LPA: variants seen among roughly 807,000 people sequenced by gnomAD.
LPA encodes the protein lipoprotein(a).
LPA carries 199 observed loss-of-function variants against 197.9 expected under a neutral mutation model. The observed-to-expected ratio is 1.01, with a 90% confidence interval of 0.90 to 1.13. The LOEUF (loss-of-function observed/expected upper bound fraction) is 1.13, where lower values mean the gene tolerates loss of function less well. Ranked by LOEUF, LPA falls within the 50% of genes most tolerant of loss-of-function variation. The probability of loss-of-function intolerance (pLI) is 0.00; values close to 1 mark genes in which losing one functional copy is unlikely to be tolerated. For synonymous variants in LPA, 715 were observed against 639.5 expected (o/e 1.12, Z -1.78); for missense variants, 1,853 against 1,785.8 (o/e 1.04, Z -0.68).
At chr6:160,553,489 C>T (rs1434231668) in intron 30 of LPA, among the ~76,000 whole-genome samples, 5 of 151,988 alleles carry the variant, frequency 3.3e-5, no homozygotes, top group South Asian at 2.1e-4. Flanking sequence ...CTGGACATGT[C>T]GTCCTAGGTT....
At chr6:160,534,325 A>G (rs1271077632) in intron 37 of LPA, among the ~76,000 whole-genome samples, 2 of 152,248 alleles carry the variant, frequency 1.3e-5, no homozygotes, top group African/African-American at 4.8e-5. Context: ...GATAAGAGGG[A>G]AAACCCACCA....
intron 19 of LPA, among the ~76,000 whole-genome samples, chr6:160,600,080 A>C (rs1779209544): frequency 6.6e-6 from 1 of 152,146 alleles, no homozygotes; most frequent in Non-Finnish European, 1.5e-5. Context: ...GACATATAAA[A>C]ACCTTGCATG....
At chr6:160,565,266 A>G (rs889667657) in intron 28 of LPA, among the ~76,000 whole-genome samples, 2 of 151,906 alleles carry the variant, frequency 1.3e-5, no homozygotes, top group Non-Finnish European at 2.9e-5. Context: ...ACTGGGGGAC[A>G]CCTCCCAGTA....
intron 28 of LPA, among the ~76,000 whole-genome samples, chr6:160,566,980 C>G (rs1439422618): frequency 6.6e-6 from 1 of 152,154 alleles, no homozygotes; most frequent in African/African-American, 2.4e-5. Context: ...ACAGGAGCAC[C>G]TAGATTCATA....
At chr6:160,542,941 T>G in intron 33 of LPA, 133 bp from the exon 34 acceptor site, 1 of 1,245,266 alleles carries the variant, frequency 8.0e-7, no homozygotes, top group African/African-American at 1.5e-5. Context: ...TCATAAACAC[T>G]CTTTAGATTT....
chr6:160,611,418 C>G lies in LPA; in HGVS notation c.2603+144G>C, dbSNP rs1271265003. ...TTTCTCTTCTCTCAGACCCTTAGCT[C>G]CAAGGAAATCATCCTGAGACATTTT... On this transcript the variant is annotated intron_variant, in intron 16 of 38. Coordinates refer to ENST00000316300, the MANE Select transcript of LPA (RefSeq NM_005577.4). 6.0e-6 allele frequency: 9 copies of G among 1,488,714 alleles called. 1 individual carries two copies. The highest frequency in any genetic ancestry group is 6.5e-6 in the Non-Finnish European group (7 of 1,081,082). 92.2% of individuals were successfully genotyped at this position (1,488,714 alleles called of 1,614,324 possible). A position where few individuals can be genotyped will look rare whatever the true frequency, so the allele number is the denominator to read the frequency against.
At chr6:160,557,258 G>A (rs1327077602) in intron 29 of LPA, 132 bp downstream of exon 29, 10 of 1,111,936 alleles carry the variant, frequency 9.0e-6, no homozygotes, top group Non-Finnish European at 1.3e-5. Context: ...CAGAGAGAGT[G>A]CTGAGGCTTC....
intron 28 of LPA, among the ~76,000 whole-genome samples, chr6:160,563,460 A>G (rs114591665): frequency 0.04 from 6,122 of 152,216 alleles, 392 homozygotes; most frequent in African/African-American, 0.14. Flanking sequence ...ATTCTACGGC[A>G]TTTGCTGAGA....
At chr6:160,659,379 A>C (rs1780184510) in intron 1 of LPA, among the ~76,000 whole-genome samples, 1 of 152,160 alleles carries the variant, frequency 6.6e-6, no homozygotes, top group African/African-American at 2.4e-5. Flanking sequence ...TAGTGGCAGA[A>C]GGACTTTCAG....
At chr6:160,577,028 G>A in intron 28 of LPA, 108 bp downstream of exon 28, 3 of 1,400,052 alleles carry the variant, frequency 2.1e-6, no homozygotes, top group South Asian at 2.3e-5. Flanking sequence ...TTGCCAAAAT[G>A]TGAGTCTAAG....
Position 160,542,741 on chromosome 6 carries a change from C to A in LPA, c.5466G>T (p.Gly1822=), listed in dbSNP as rs765746657. 3.1e-6 allele frequency: 5 copies of A among 1,614,036 alleles called. No homozygotes were observed. In the Admixed American group the frequency reaches 8.3e-5, roughly 27 times the overall value. Residue 1822 remains glycine (G), a synonymous_variant, in exon 34 of 39, where the codon GGG becomes GGT. Transcript: ENST00000316300. ...AGGAATGTGGGTGGGCCACACACCCCCCTACAATGCTTCCAGGACATTTCT... is the reference window on the plus strand; with the variant it reads ...AGGAATGTGGGTGGGCCACACACCCACCTACAATGCTTCCAGGACATTTCT... ...EPKKCPGSIV[G]GCVAHPHSWP...
rs1779202012 is a variant in LPA, at chr6:160,599,699, A to G, written c.3128-40T>C. The G allele has an allele frequency of 3.1e-6, 5 of 1,611,930 alleles. No homozygotes were observed. The South Asian group carries it at 5.5e-5, about 18-fold the overall frequency. On this transcript the variant is annotated intron_variant, in intron 19 of 38. Coordinates refer to ENST00000316300, the MANE Select transcript of LPA (RefSeq NM_005577.4). Reference sequence around the variant, plus strand: ...GAAGACATCAAGCTTATTATTTCCTAGAACAGAAAAATACAGGAAGCCATT... The same window carrying G: ...GAAGACATCAAGCTTATTATTTCCTGGAACAGAAAAATACAGGAAGCCATT...
At chr6:160,557,606 C>A in intron 28 of LPA, 35 bp from the exon 29 acceptor site, 1 of 1,607,384 alleles carries the variant, frequency 6.2e-7, no homozygotes, top group Non-Finnish European at 8.5e-7. Context: ...TCACAAGAGG[C>A]GGGAAAAAAT....
At chr6:160,608,231 G>A (rs185569108) in intron 16 of LPA, among the ~76,000 whole-genome samples, 1 of 152,088 alleles carries the variant, frequency 6.6e-6, no homozygotes, top group Non-Finnish European at 1.5e-5. Context: ...ATTCCTTTGG[G>A]TCACCTCTCT....
intron 28 of LPA, among the ~76,000 whole-genome samples, chr6:160,565,477 A>G (rs1778435348): frequency 6.6e-6 from 1 of 152,234 alleles, no homozygotes; most frequent in Admixed American, 6.5e-5. Flanking sequence ...TGTTAGAAGG[A>G]AAACTAACAA....
chr6:160,575,544 G>T (rs1025176901), intron 28 of LPA, among the ~76,000 whole-genome samples: 10 of 152,136 alleles, frequency 6.6e-5, no homozygotes, highest in African/African-American at 2.4e-4. Flanking sequence ...AGAGGATTTT[G>T]GTCTTTCTGA....
chr6:160,615,442 G>A (rs1343908703), intron 14 of LPA, among the ~76,000 whole-genome samples: 31 of 112,814 alleles, frequency 2.7e-4, no homozygotes, highest in African/African-American at 1.3e-3. Context: ...CCTCTGAAAC[G>A]TCTAATTTGA....
At chr6:160,569,293 A>C (rs1778519334) in intron 28 of LPA, among the ~76,000 whole-genome samples, 1 of 152,122 alleles carries the variant, frequency 6.6e-6, no homozygotes, top group African/African-American at 2.4e-5. Flanking sequence ...GATATAGACC[A>C]ATGGAACAGA....
chr6:160,542,646 A>G, intron 34 of LPA, 42 bp downstream of exon 34: 1 of 1,611,360 alleles, frequency 6.2e-7, no homozygotes, highest in Non-Finnish European at 8.5e-7. Context: ...TGTGGGGCTT[A>G]CATGGAAGGA....
Sources: allele counts gnomAD v4.1 joint callset (sites outside exome capture counted in the v4.1 genomes callset), GRCh38; gene constraint gnomAD v4.1.1; transcripts MANE v1.5; gene names NCBI Gene and HGNC (gene_info 2026-07-23, HGNC 2026-07-21).